The following CFAP20DC variants were observed in gnomAD, a reference collection of about 807,000 sequenced individuals.
CFAP20DC encodes CFAP20 domain containing, also known as protein CFAP20DC.
A neutral mutation model predicts 101.7 loss-of-function variants in CFAP20DC; 84 were observed. The observed-to-expected ratio is 0.83, with a 90% CI of 0.69 to 0.99. The LOEUF (loss-of-function observed/expected upper bound fraction) is 0.99, where lower values mean the gene tolerates loss of function less well. CFAP20DC is among the 50% of genes least tolerant of loss of function. The probability of loss-of-function intolerance (pLI) is 0.00; values close to 1 mark genes in which losing one functional copy is unlikely to be tolerated. For missense variants in CFAP20DC, 1,007 were observed against 970.3 expected (o/e 1.04, Z -0.50); for synonymous variants, 359 against 351.2 (o/e 1.02, Z -0.25).
chr3:59,004,516 A>C (rs1468232854), intron 4 of CFAP20DC, among the ~76,000 whole-genome samples: 1 of 152,222 alleles, frequency 6.6e-6, no homozygotes, highest in African/African-American at 2.4e-5. Flanking sequence ...GGCTTTGCAC[A>C]GATTACCAAC....
rs2108528940 is a variant in CFAP20DC at position 58,983,359 on chromosome 3, AG to A, written c.279-45598del. ...TACTTTTTTGTCATTTTAATTCTAT[AG>A]ATTACTTAAACCAGAAGGAATGTGG... is the stretch of plus-strand genomic sequence containing the variant. On this transcript the variant is annotated intron_variant, in intron 4 of 16. Coordinates refer to ENST00000482387, the MANE Select transcript of CFAP20DC (RefSeq NM_001394063.1). Among the ~76,000 whole-genome samples the A allele has an allele frequency of 2.0e-5, 3 of 152,296 alleles. No homozygotes were observed. The South Asian group carries it at 6.2e-4, about 32-fold the overall frequency.
chr3:58,734,142 C>CT (rs2067701522), intron 3 of CFAP20DC, among the ~76,000 whole-genome samples: 1 of 152,210 alleles, frequency 6.6e-6, no homozygotes, highest in Non-Finnish European at 1.5e-5. Context: ...CTCTCTCTCT[C>CT]TCCTGCTCTG....
Position 58,831,757 on chromosome 3 carries a change from C to T in CFAP20DC, c.2104G>A (p.Val702Met). 1 of 1,614,100 alleles carries T rather than the reference C, an allele frequency of 6.2e-7. No homozygotes were observed. The highest frequency in any genetic ancestry group is 8.5e-7 in the Non-Finnish European group (1 of 1,180,006). ...GTSHGLSASQVDNCNVSISTS... is the reference protein window; with the variant it reads ...GTSHGLSASQMDNCNVSISTS... Reference sequence around the variant, plus strand: ...CTTATGCTGACATTACAGTTGTCCACCTGGGAGGCACTCAGGCCATGGGAG... The same window carrying T: ...CTTATGCTGACATTACAGTTGTCCATCTGGGAGGCACTCAGGCCATGGGAG... The change falls in exon 14 of 17, where the codon GTG becomes ATG. Residue 702 changes from valine to methionine, a missense_variant. Coordinates refer to ENST00000482387, the MANE Select transcript of CFAP20DC (RefSeq NM_001394063.1).
chr3:58,734,801 C>T (rs1026831730), intron 3 of CFAP20DC, among the ~76,000 whole-genome samples: 81 of 152,162 alleles, frequency 5.3e-4, no homozygotes, highest in South Asian at 2.3e-3. Context: ...GCCCAAAGCA[C>T]TTACCATTCA....
chr3:58,888,454 G>T (rs1427999093), intron 6 of CFAP20DC, among the ~76,000 whole-genome samples: 1 of 152,084 alleles, frequency 6.6e-6, no homozygotes, highest in Non-Finnish European at 1.5e-5. Flanking sequence ...GGGTGTGCAG[G>T]TTTATTACAT....
chr3:58,871,339 T>C (rs1353381709), intron 7 of CFAP20DC, among the ~76,000 whole-genome samples: 1 of 152,058 alleles, frequency 6.6e-6, no homozygotes, highest in Non-Finnish European at 1.5e-5. Context: ...GTGAAGAGCC[T>C]ATTCTAAATT....
At chr3:58,804,401 C>T (rs1451046261) in intron 15 of CFAP20DC, among the ~76,000 whole-genome samples, 2 of 148,458 alleles carry the variant, frequency 1.3e-5, no homozygotes, top group East Asian at 2.0e-4. Context: ...CTCACTCTGT[C>T]GCCCAGGCTG....
chr3:58,989,986 A>G (rs2092885087), intron 4 of CFAP20DC, among the ~76,000 whole-genome samples: 1 of 152,184 alleles, frequency 6.6e-6, no homozygotes, highest in Non-Finnish European at 1.5e-5. Context: ...AATTATAGTA[A>G]ATGAAAGTAA....
intron 3 of CFAP20DC, among the ~76,000 whole-genome samples, chr3:59,043,463 A>G (rs7649388): frequency 0.2 from 29,692 of 151,892 alleles, 2,986 homozygotes; most frequent in African/African-American, 0.23. Context: ...AAAGCCACTG[A>G]GGGGTTTTAA....
Position 58,913,141 on chromosome 3 carries a change from G to A in CFAP20DC, c.550+567C>T, listed in dbSNP as rs2084321165. On this transcript the variant is annotated intron_variant, in intron 6 of 16. Coordinates refer to ENST00000482387, the MANE Select transcript of CFAP20DC (RefSeq NM_001394063.1). This position sits in a 1 kb window ranked among gnomAD's most constrained non-coding sequence, Gnocchi z 4.4. Reference sequence around the variant, plus strand: ...ATATCTACTTCTGATAAGGGTGGCAGGGAAGAAAACATCCTACTTTCAGGG... The same window carrying A: ...ATATCTACTTCTGATAAGGGTGGCAAGGAAGAAAACATCCTACTTTCAGGG... Among the ~76,000 whole-genome samples the A allele has an allele frequency of 6.6e-6, 1 of 152,108 alleles. No homozygotes were observed. Among genetic ancestry groups the A allele is most frequent in the South Asian group, 2.1e-4 (1 of 4,820 alleles).
At chr3:58,760,813 TTC>T in intron 15 of CFAP20DC, among the ~76,000 whole-genome samples, 1 of 152,238 alleles carries the variant, frequency 6.6e-6, no homozygotes, top group Non-Finnish European at 1.5e-5. Flanking sequence ...TTGTCATTGG[TTC>T]TGTTTACATG....
chr3:58,981,757 G>C (rs1042792670), intron 4 of CFAP20DC, among the ~76,000 whole-genome samples: 1 of 152,158 alleles, frequency 6.6e-6, no homozygotes, highest in Non-Finnish European at 1.5e-5. Context: ...AAAAACCCTA[G>C]AAGAAAACCT....
In CFAP20DC at chr3:58,793,374, A is replaced by T. The variant is rs543619854; in HGVS notation, c.2237+13021T>A. Among the ~76,000 whole-genome samples the T allele has an allele frequency of 5.3e-5, 8 of 152,284 alleles. No individual in the cohort carries two copies. In the South Asian group the frequency reaches 1.4e-3, roughly 28 times the overall value. ...CTGAAATTTAGAAATTCACAAGCAA[A>T]TTTAGAGAATGTCACATGGCTGGTT... is the stretch of plus-strand genomic sequence containing the variant. On this transcript the variant is annotated intron_variant, in intron 15 of 16. Coordinates refer to ENST00000482387, the MANE Select transcript of CFAP20DC (RefSeq NM_001394063.1).
At chr3:58,969,849 G>C (rs2091845314) in intron 4 of CFAP20DC, among the ~76,000 whole-genome samples, 1 of 152,156 alleles carries the variant, frequency 6.6e-6, no homozygotes, top group South Asian at 2.1e-4. Flanking sequence ...GAGACAGAGA[G>C]AAAGGGCTAA....
downstream of CFAP20DC, among the ~76,000 whole-genome samples, chr3:58,716,287 G>A (rs370230009): frequency 2.8e-4 from 42 of 150,984 alleles, no homozygotes; most frequent in South Asian, 7.4e-3. Flanking sequence ...TCAGCCTCCC[G>A]AGTAGCTGGG....
chr3:58,963,692 A>T (rs2091331064), intron 4 of CFAP20DC, among the ~76,000 whole-genome samples: 1 of 152,156 alleles, frequency 6.6e-6, no homozygotes, highest in Non-Finnish European at 1.5e-5. Context: ...CATTTTGGAA[A>T]ATCTGGAAAA....
At chr3:59,020,918 G>C (rs1180762663) in intron 4 of CFAP20DC, among the ~76,000 whole-genome samples, 1 of 152,124 alleles carries the variant, frequency 6.6e-6, no homozygotes, top group Non-Finnish European at 1.5e-5. Context: ...ATGTGAGACA[G>C]CTATGTATGA....
chr3:59,026,597 C>G (rs2093897013), intron 4 of CFAP20DC, among the ~76,000 whole-genome samples: 1 of 152,144 alleles, frequency 6.6e-6, no homozygotes, highest in African/African-American at 2.4e-5. Context: ...TAGGTATGCT[C>G]TCAACTCCAG....
intron 4 of CFAP20DC, among the ~76,000 whole-genome samples, chr3:59,035,548 GA>G (rs1244001222): frequency 6.6e-6 from 1 of 152,168 alleles, no homozygotes; most frequent in Non-Finnish European, 1.5e-5. Context: ...ACTATCATCA[GA>G]GAATACTATA....
Sources: allele counts gnomAD v4.1 joint callset (sites outside exome capture counted in the v4.1 genomes callset), GRCh38; gene constraint gnomAD v4.1.1; non-coding constraint Gnocchi (gnomAD v3.1); transcripts MANE v1.5; gene names NCBI Gene and HGNC (gene_info 2026-07-23, HGNC 2026-07-21).